PSMC6: variants seen among roughly 807,000 people sequenced by gnomAD.
PSMC6 encodes 26S proteasome regulatory subunit 10B.
A neutral mutation model predicts 55.9 loss-of-function variants in PSMC6; 3 were observed. That is an observed-to-expected ratio of 0.05 (90% CI 0.02 to 0.14). The LOEUF is 0.14. PSMC6 is among the 10% of genes least tolerant of loss of function. PSMC6 has a pLI of 1.00. For missense variants in PSMC6, 210 were observed against 478.7 expected, an observed-to-expected ratio of 0.44 and a Z score of 5.24; for synonymous variants, 137 against 155.9, an observed-to-expected ratio of 0.88 and a Z score of 0.90.
chr14:52,711,194 A>G, intron 5 of PSMC6, 26 bp downstream of exon 5: 3 of 1,588,780 alleles, frequency 1.9e-6, no homozygotes, highest in South Asian at 2.2e-5. Context: ...TATTTAGTTC[A>G]CCTTTTATTT....
rs2041833826 is a variant in PSMC6 at position 52,716,734 on chromosome 14, CA to C, written c.530-1345del. On this transcript the variant is annotated intron_variant, in intron 7 of 13. Transcript: ENST00000445930. ...TGCCATTGCACTCCAGCCTGGGCAA[CA>C]AGAGTGAAACTCCATCTCAAAAAAA... Among the ~76,000 whole-genome samples, 3 of 151,054 alleles carry C rather than the reference CA, an allele frequency of 2.0e-5. No individual in the cohort carries two copies. The South Asian group carries it at 6.3e-4, about 32-fold the overall frequency.
chr14:52,720,222 CAAAAAAAAA>C (rs34123680), intron 10 of PSMC6, among the ~76,000 whole-genome samples: 2 of 62,394 alleles, frequency 3.2e-5, no homozygotes, highest in South Asian at 1.3e-3. Flanking sequence ...AGTCTGTCTC[CAAAAAAAAA>C]AAAAAAAAAA....
At position 52,707,242 on chromosome 14, in the gene PSMC6, C is replaced by A; in HGVS notation, c.23C>A (p.Ala8Glu). 6.2e-7 allele frequency: 1 copy of A among 1,613,836 alleles called. No homozygotes were observed. The highest frequency in any genetic ancestry group is 8.5e-7 in the Non-Finnish European group (1 of 1,179,998). The change falls in exon 1 of 14, where the codon GCG (alanine) becomes GAG (glutamate). Residue 8 changes from alanine (A) to glutamate (E), a missense_variant. Physicochemically the swap from Ala to Glu is moderately radical, Grantham distance 107. This residue lies in a region of PSMC6 where 26 missense variants were observed against 16.9 expected (regional missense o/e 1.54). Transcript: ENST00000445930. ...ATCATGGCGGACCCTAGAGATAAGG[C>A]GCTTCAGGACTACCGCAAGAAGTTG... MADPRDK[A>E]LQDYRKKLLE...
At position 52,714,317 on chromosome 14, in the gene PSMC6, A is replaced by G. The variant is rs371780520; in HGVS notation, c.529+349A>G. On this transcript the variant is annotated intron_variant, in intron 7 of 13. Coordinates refer to ENST00000445930, the MANE Select transcript of PSMC6 (RefSeq NM_002806.5). ...AGCCTCCCAAAATGTTGGGATTACA[A>G]GCATAAACCACTGCGCCTGGCCATA... Among the ~76,000 whole-genome samples the G allele has an allele frequency of 4.6e-5, 7 of 152,292 alleles. No individual in the cohort carries two copies. The East Asian group carries it at 1.2e-3, about 25-fold the overall frequency.
chr14:52,714,077 G>A (rs2041803846), intron 7 of PSMC6, 109 bp downstream of exon 7: 1 of 700,388 alleles, frequency 1.4e-6, no homozygotes, highest in South Asian at 2.2e-5. Flanking sequence ...GTCTCACTCT[G>A]TTGCCCAGGC....
At position 52,713,624 on chromosome 14, in the gene PSMC6, TATC is replaced by T. The variant is rs201807834; in HGVS notation, c.442-256_442-254del. ...TTCAAATATGTTTGGACAAGTTATA[TATC>T]TGTGTAACCATCACCCCAATCAAGT... is the stretch of plus-strand genomic sequence containing the variant. On this transcript the variant is annotated intron_variant, in intron 6 of 13. Transcript: ENST00000445930. Among the ~76,000 whole-genome samples the T allele has an allele frequency of 1.1e-3, 160 of 152,338 alleles. 1 individual carries two copies. The East Asian group carries it at 0.025, about 24-fold the overall frequency.
chr14:52,707,497 C>T (rs1045835489), intron 1 of PSMC6, 193 bp downstream of exon 1: 1 of 671,920 alleles, frequency 1.5e-6, no homozygotes, highest in Non-Finnish European at 2.4e-6. Context: ...TGGCCCAGTC[C>T]AGCCCGGGTG....
At chr14:52,713,818 G>T in intron 6 of PSMC6, 63 bp from the exon 7 acceptor site, 2 of 1,049,060 alleles carry the variant, frequency 1.9e-6, no homozygotes, top group South Asian at 1.4e-5. Flanking sequence ...TTGACTTAGA[G>T]TATTTGAAAG....
chr14:52,708,682 A>G, intron 3 of PSMC6, 82 bp from the exon 4 acceptor site: 1 of 1,585,524 alleles, frequency 6.3e-7, no homozygotes, highest in Non-Finnish European at 8.6e-7. Context: ...GGACAGAAAT[A>G]CAACTAAACC....
At chr14:52,725,307 A>C (rs1182578266) in intron 13 of PSMC6, among the ~76,000 whole-genome samples, 1 of 152,180 alleles carries the variant, frequency 6.6e-6, no homozygotes, top group Non-Finnish European at 1.5e-5. Context: ...ATTTACCTTT[A>C]GTTATTGCAA....
chr14:52,718,673 C>A, intron 9 of PSMC6: 2 of 404,060 alleles, frequency 4.9e-6, no homozygotes, highest in Non-Finnish European at 4.5e-6. Context: ...GTAATCCCAG[C>A]TACTGAGGAG....
chr14:52,714,011 A>G, intron 7 of PSMC6, 43 bp downstream of exon 7: 1 of 1,173,802 alleles, frequency 8.5e-7, no homozygotes, highest in Non-Finnish European at 1.2e-6. Flanking sequence ...AGATAAATGA[A>G]TTAAGGAATT....
chr14:52,717,283 T>C (rs776381805), intron 7 of PSMC6, among the ~76,000 whole-genome samples: 1 of 151,728 alleles, frequency 6.6e-6, no homozygotes, highest in African/African-American at 2.4e-5. Flanking sequence ...TTAAAAATTA[T>C]AACATTTTGA....
chr14:52,727,418 A>G, intron 13 of PSMC6, 81 bp from the exon 14 acceptor site: 3 of 930,700 alleles, frequency 3.2e-6, no homozygotes, highest in South Asian at 3.6e-5. Context: ...CATTTATTCC[A>G]TAGAATTATA....
intron 7 of PSMC6, among the ~76,000 whole-genome samples, chr14:52,715,131 T>TAAA (rs11411181): frequency 6.8e-6 from 1 of 146,572 alleles, no homozygotes; most frequent in Non-Finnish European, 1.5e-5. Context: ...ACTTGCAGTG[T>TAAA]AAAAAAAAAA....
Position 52,720,971 on chromosome 14 carries a change from T to C in PSMC6, c.888T>C (p.Asp296=), listed in dbSNP as rs2041884373. The C allele has an allele frequency of 1.2e-6, 2 of 1,612,984 alleles. No individual in the cohort carries two copies. Among genetic ancestry groups the C allele is most frequent in the East Asian group, 2.2e-5 (1 of 44,814 alleles). ...DPALLRPGRL[D]RKIHIDLPNE... ...CTTTGCTGCGTCCAGGAAGATTAGA[T>C]AGAAAAATACGTGAGTTAAGATTCT... Residue 296 remains aspartate, a synonymous_variant, in exon 11 of 14, where the codon GAT becomes GAC. Coordinates refer to ENST00000445930, the MANE Select transcript of PSMC6 (RefSeq NM_002806.5).
chr14:52,715,126 C>T (rs1016712621), intron 7 of PSMC6, among the ~76,000 whole-genome samples: 2 of 91,314 alleles, frequency 2.2e-5, no homozygotes, highest in African/African-American at 9.3e-5. Flanking sequence ...CACATACTTG[C>T]AGTGTAAAAA....
chr14:52,725,617 C>G (rs1189324462), intron 13 of PSMC6, among the ~76,000 whole-genome samples: 1 of 152,188 alleles, frequency 6.6e-6, no homozygotes, highest in Non-Finnish European at 1.5e-5. Flanking sequence ...GTAGCCCAGA[C>G]CTGATCATTT....
chr14:52,711,051 TTA>T, intron 4 of PSMC6, 48 bp from the exon 5 acceptor site: 1 of 1,346,590 alleles, frequency 7.4e-7, no homozygotes, highest in Non-Finnish European at 1.1e-6. Context: ...CGTTAGAGTG[TTA>T]TTCCGTTTTT....
Sources: gnomAD v4.1 joint callset for allele counts (sites outside exome capture counted in the v4.1 genomes callset) on GRCh38, gnomAD v4.1.1 for gene constraint, gnomAD v4.1.1 regional missense constraint, MANE v1.5 for transcripts, NCBI Gene and HGNC (gene_info 2026-07-23, HGNC 2026-07-21) for gene names.